JPH3: variants seen among roughly 807,000 people sequenced by gnomAD.
The protein encoded by JPH3 is junctophilin-3.
Under a neutral mutation model 59.6 loss-of-function variants are expected in JPH3, and 11 were observed. The observed-to-expected ratio is 0.18, with a 90% confidence interval of 0.12 to 0.31. JPH3 has a LOEUF of 0.31. JPH3 is among the 10% of genes least tolerant of loss of function. The pLI is 1.00. For missense variants in JPH3, 1,202 were observed against 1,105.7 expected, an observed-to-expected ratio of 1.09 and a Z score of -1.24; for synonymous variants, 673 against 483.6, an observed-to-expected ratio of 1.39 and a Z score of -5.14.
At chr16:87,675,342 G>A (rs1322858601) in intron 2 of JPH3, among the ~76,000 whole-genome samples, 4 of 152,082 alleles carry the variant, frequency 2.6e-5, no homozygotes, top group Non-Finnish European at 2.9e-5. Context: ...CCAGAGTGTC[G>A]GTGCTGCTCA....
chr16:87,642,294 C>T (rs2031981503), intron 1 of JPH3, among the ~76,000 whole-genome samples: 1 of 152,084 alleles, frequency 6.6e-6, no homozygotes, highest in South Asian at 2.1e-4. Flanking sequence ...CGAGAGATGG[C>T]GGCACCTGCC....
intron 1 of JPH3, among the ~76,000 whole-genome samples, chr16:87,634,340 C>T (rs990711037): frequency 6.6e-5 from 10 of 152,080 alleles, no homozygotes; most frequent in African/African-American, 2.4e-4. Flanking sequence ...CCAGCCAAAG[C>T]GGCTCAAGTG....
intron 1 of JPH3, among the ~76,000 whole-genome samples, chr16:87,617,360 G>C (rs919833216): frequency 3.3e-5 from 5 of 152,102 alleles, no homozygotes; most frequent in Non-Finnish European, 7.4e-5. Flanking sequence ...TGTCTCCAGC[G>C]TGGGATGTCG....
intron 2 of JPH3, among the ~76,000 whole-genome samples, chr16:87,680,392 GAGCCCTGGTGGGC>G (rs2033258676): frequency 1.3e-5 from 2 of 152,242 alleles, no homozygotes; most frequent in Admixed American, 1.3e-4. Flanking sequence ...GAAGGAAGCG[GAGCCCTGGTGGGC>G]AGCCTGGCTG....
intron 2 of JPH3, chr16:87,654,870 G>C (rs2032441711): frequency 6.6e-6 from 1 of 152,270 alleles, no homozygotes; most frequent in East Asian, 1.9e-4. Flanking sequence ...CGACCACTCG[G>C]CCCGGCGTAA....
upstream of JPH3, among the ~76,000 whole-genome samples, chr16:87,602,437 CGGGG>C (rs1209178174): frequency 4.9e-4 from 1 of 2,026 alleles, no homozygotes; most frequent in African/African-American, 7.8e-4. Context: ...GGGGCGGGGG[CGGGG>C]GGCGGGGGGC....
At chr16:87,635,244 T>C (rs1026682084) in intron 1 of JPH3, among the ~76,000 whole-genome samples, 7 of 152,196 alleles carry the variant, frequency 4.6e-5, no homozygotes, top group African/African-American at 1.4e-4. Context: ...GGTGTTGACC[T>C]GGGGCATCTG....
intron 1 of JPH3, among the ~76,000 whole-genome samples, chr16:87,615,923 CA>C (rs948968031): frequency 2.0e-5 from 3 of 152,132 alleles, no homozygotes; most frequent in African/African-American, 7.2e-5. Flanking sequence ...AATGAGTGGT[CA>C]ATCAGGCGAG....
At chr16:87,631,625 C>T (rs1230859672) in intron 1 of JPH3, among the ~76,000 whole-genome samples, 9 of 152,218 alleles carry the variant, frequency 5.9e-5, no homozygotes, top group Admixed American at 3.3e-4. Context: ...TGGACGCTCA[C>T]ACCCTTCCAT....
In JPH3 at chr16:87,688,574, G is replaced by A. The variant is rs376771916; in HGVS notation, c.1286-1072G>A. 5.2e-3 allele frequency among the ~76,000 whole-genome samples: 793 copies of A among 152,168 alleles called. 3 individuals are homozygous for A. Among genetic ancestry groups the A allele is most frequent in the African/African-American group, 0.018 (745 of 41,492 alleles). ...GTGAGAGACTCTAAGATGGGCAGTG[G>A]CTCTTGGTGTCCGAGCTGGTCTCAT... is the stretch of plus-strand genomic sequence containing the variant. On this transcript the variant is annotated intron_variant, in intron 3 of 4. Transcript: ENST00000284262.
chr16:87,687,189 G>C (rs2033439465), intron 3 of JPH3, among the ~76,000 whole-genome samples: 1 of 152,196 alleles, frequency 6.6e-6, no homozygotes, highest in African/African-American at 2.4e-5. Flanking sequence ...GGGGCTGGGG[G>C]AAGCTGTCCA....
At chr16:87,672,257 C>G (rs1025475151) in intron 2 of JPH3, among the ~76,000 whole-genome samples, 9 of 152,134 alleles carry the variant, frequency 5.9e-5, no homozygotes, top group Non-Finnish European at 8.8e-5. Flanking sequence ...GCCGGGAGCC[C>G]TGCGCTTTGT....
At chr16:87,650,053 A>C (rs979457805) in intron 2 of JPH3, among the ~76,000 whole-genome samples, 1 of 152,166 alleles carries the variant, frequency 6.6e-6, no homozygotes, top group African/African-American at 2.4e-5. Flanking sequence ...ACCTTGATTC[A>C]GGGGGTTTCG....
intron 1 of JPH3, among the ~76,000 whole-genome samples, chr16:87,637,271 A>T (rs994964611): frequency 2.0e-5 from 3 of 152,106 alleles, no homozygotes; most frequent in African/African-American, 7.2e-5. Flanking sequence ...TCTGATCATC[A>T]GCTCTATCAG....
At chr16:87,685,408 CCT>C (rs1284030708) in intron 3 of JPH3, among the ~76,000 whole-genome samples, 1 of 152,270 alleles carries the variant, frequency 6.6e-6, no homozygotes, top group Non-Finnish European at 1.5e-5. Context: ...GCCACGTGCC[CCT>C]GTGGCCATTG....
intron 2 of JPH3, among the ~76,000 whole-genome samples, chr16:87,665,154 C>T (rs557900206): frequency 6.6e-6 from 1 of 152,232 alleles, no homozygotes; most frequent in South Asian, 2.1e-4. Context: ...AGATCACTGG[C>T]CTGCCCCTGG....
intron 2 of JPH3, among the ~76,000 whole-genome samples, chr16:87,672,828 C>T (rs547157942): frequency 1.3e-5 from 2 of 152,282 alleles, no homozygotes; most frequent in East Asian, 3.9e-4. Flanking sequence ...CTACCTCATA[C>T]CAAAATTATT....
chr16:87,635,682 G>A (rs558883039), intron 1 of JPH3, among the ~76,000 whole-genome samples: 9 of 152,352 alleles, frequency 5.9e-5, no homozygotes, highest in South Asian at 4.1e-4. Context: ...ACCTGCTGGC[G>A]GCCTCATCTC....
chr16:87,681,084 G>A (rs1360417954), intron 2 of JPH3, among the ~76,000 whole-genome samples: 2 of 152,206 alleles, frequency 1.3e-5, no homozygotes, highest in Non-Finnish European at 2.9e-5. Context: ...ATTACCCATC[G>A]CAGGAGTCAG....
Sources: gnomAD v4.1 joint callset for allele counts (sites outside exome capture counted in the v4.1 genomes callset) on GRCh38, gnomAD v4.1.1 for gene constraint, MANE v1.5 for transcripts, NCBI Gene and HGNC (gene_info 2026-07-23, HGNC 2026-07-21) for gene names.